The following CDH4 variants were observed in gnomAD, a reference collection of about 807,000 sequenced individuals.
CDH4 encodes cadherin-4.
A neutral mutation model predicts 86.0 loss-of-function variants in CDH4; 33 were observed. The ratio of observed to expected loss-of-function variants is 0.38; its 90% CI spans 0.29 to 0.51. The LOEUF (loss-of-function observed/expected upper bound fraction) is 0.51. Ranked by LOEUF, CDH4 falls within the 20% of genes least tolerant of loss-of-function variation. The probability of loss-of-function intolerance (pLI) is 0.86; values close to 1 mark genes in which losing one functional copy is unlikely to be tolerated. For synonymous variants in CDH4, 555 were observed against 549.4 expected (o/e 1.01, Z -0.14); for missense variants, 1,114 against 1,307.4 (o/e 0.85, Z 2.28).
chr20:61,459,698 C>G (rs2085431079), intron 2 of CDH4, among the ~76,000 whole-genome samples: 1 of 151,728 alleles, frequency 6.6e-6, no homozygotes, highest in African/African-American at 2.4e-5. Flanking sequence ...TGAAGAACAA[C>G]ACAGTGATTT....
intron 2 of CDH4, among the ~76,000 whole-genome samples, chr20:61,737,801 C>T (rs913049332): frequency 2.0e-5 from 3 of 152,184 alleles, no homozygotes; most frequent in African/African-American, 7.2e-5. Flanking sequence ...TCCCCCTCCC[C>T]GAGTCCCTGC....
At chr20:61,666,564 C>T (rs567297547) in intron 2 of CDH4, among the ~76,000 whole-genome samples, 16 of 152,344 alleles carry the variant, frequency 1.1e-4, no homozygotes, top group African/African-American at 3.6e-4. Flanking sequence ...ATTCAGAGTC[C>T]ACATGGAGGA....
intron 2 of CDH4, among the ~76,000 whole-genome samples, chr20:61,541,197 T>C (rs1044766336): frequency 3.9e-5 from 6 of 152,170 alleles, no homozygotes; most frequent in Admixed American, 1.3e-4. Context: ...TTAATAAAAA[T>C]GTTGAATCCC....
chr20:61,875,434 T>A (rs182810200), intron 7 of CDH4, among the ~76,000 whole-genome samples: 205 of 152,218 alleles, frequency 1.3e-3, no homozygotes, highest in African/African-American at 4.7e-3. Context: ...GCAGAGGACG[T>A]TGTCAGCCCC....
At chr20:61,832,212 C>A (rs1280904797) in intron 4 of CDH4, among the ~76,000 whole-genome samples, 2 of 152,350 alleles carry the variant, frequency 1.3e-5, no homozygotes, top group Middle Eastern at 3.4e-3. Context: ...TGGGTCAGAG[C>A]AGGGGCACTG....
intron 7 of CDH4, among the ~76,000 whole-genome samples, chr20:61,878,061 C>A (rs1386421482): frequency 6.6e-6 from 1 of 152,106 alleles, no homozygotes; most frequent in Non-Finnish European, 1.5e-5. Flanking sequence ...GGACAACAGG[C>A]CCTGGCCTGC....
chr20:61,638,859 A>G (rs540811261), intron 2 of CDH4, among the ~76,000 whole-genome samples: 27 of 152,298 alleles, frequency 1.8e-4, no homozygotes, highest in African/African-American at 6.3e-4. Context: ...ATTCCCCAAG[A>G]TCTCAGTGAG....
intron 2 of CDH4, among the ~76,000 whole-genome samples, chr20:61,574,258 C>A (rs940504217): frequency 2.0e-5 from 3 of 152,264 alleles, no homozygotes; most frequent in African/African-American, 7.2e-5. Flanking sequence ...AATATTCTTA[C>A]TGGGGCCTGC....
chr20:61,797,196 G>C (rs972404862), intron 4 of CDH4, among the ~76,000 whole-genome samples: 1 of 152,146 alleles, frequency 6.6e-6, no homozygotes, highest in Admixed American at 6.5e-5. Flanking sequence ...ACCATCCACT[G>C]CCCAAGGTGG....
chr20:61,466,317 C>T (rs1016039307), intron 2 of CDH4, among the ~76,000 whole-genome samples: 6 of 152,172 alleles, frequency 3.9e-5, no homozygotes, highest in East Asian at 3.9e-4. Flanking sequence ...CCAAGATAGG[C>T]GGCTTTGCTG....
At position 61,743,544 on chromosome 20, in the gene CDH4, T is replaced by G. The variant is rs781347073; in HGVS notation, c.170-19T>G. 9.7e-6 allele frequency: 15 copies of G among 1,548,702 alleles called. No individual in the cohort carries two copies. In the East Asian group the frequency reaches 3.6e-4, roughly 38 times the overall value. ...CTGCTGGCCAAGCCGACCCTGACTC[T>G]CTCCCCCTCCTCTTGCAGTCAAGTT... On this transcript the variant is annotated intron_variant, in intron 2 of 15. Transcript: ENST00000614565.
intron 2 of CDH4, among the ~76,000 whole-genome samples, chr20:61,605,505 C>T (rs1271254404): frequency 1.4e-5 from 2 of 144,364 alleles, no homozygotes; most frequent in East Asian, 5.4e-4. Context: ...CCCCATGTCT[C>T]TCCCTTTCTG....
rs994002985 is a variant in CDH4 at position 61,443,557 on chromosome 20, G to A, written c.169+188620G>A. ...CTTCTCCTGATCACACAGCTGTCAC[G>A]CCAGCAGTACCTGGAGTCGGAACAC... On this transcript the variant is annotated intron_variant, in intron 2 of 15. Coordinates refer to ENST00000614565, the MANE Select transcript of CDH4 (RefSeq NM_001794.5). Among the ~76,000 whole-genome samples, 11 of 152,150 alleles carry A rather than the reference G, an allele frequency of 7.2e-5. 1 individual carries two copies. The South Asian group carries it at 2.1e-3, about 29-fold the overall frequency.
chr20:61,300,198 C>A lies in CDH4; in HGVS notation c.169+45261C>A, dbSNP rs2084378564. 5.3e-5 allele frequency among the ~76,000 whole-genome samples: 8 copies of A among 152,230 alleles called. No individual in the cohort carries two copies. The South Asian group carries it at 1.7e-3, about 32-fold the overall frequency. On this transcript the variant is annotated intron_variant, in intron 2 of 15. Transcript: ENST00000614565. ...GATCCCAGGGGAGAGGCAGGTGTGC[C>A]ACAGCCAGGCAGTGGGGTCAGGTGC...
intron 2 of CDH4, among the ~76,000 whole-genome samples, chr20:61,742,586 G>C (rs1427167026): frequency 6.6e-6 from 1 of 151,936 alleles, no homozygotes; most frequent in Non-Finnish European, 1.5e-5. Context: ...TAATTGCTTA[G>C]ATACCCACAT....
chr20:61,521,367 T>A (rs751762288), intron 2 of CDH4, among the ~76,000 whole-genome samples: 1 of 152,112 alleles, frequency 6.6e-6, no homozygotes, highest in Non-Finnish European at 1.5e-5. Flanking sequence ...GGGAGTATAT[T>A]TTAAGAGGAG....
At chr20:61,496,120 C>T (rs1322338912) in intron 2 of CDH4, among the ~76,000 whole-genome samples, 1 of 151,994 alleles carries the variant, frequency 6.6e-6, no homozygotes, top group African/African-American at 2.4e-5. Context: ...TTATAATTGG[C>T]CAGCCACAGT....
intron 2 of CDH4, among the ~76,000 whole-genome samples, chr20:61,520,600 A>G (rs2085861448): frequency 6.6e-6 from 1 of 152,194 alleles, no homozygotes; most frequent in Admixed American, 6.5e-5. Context: ...CTGCCTATGG[A>G]TCAGGCACCA....
chr20:61,256,327 T>G (rs1202605953), intron 2 of CDH4, among the ~76,000 whole-genome samples: 1 of 152,236 alleles, frequency 6.6e-6, no homozygotes, highest in Non-Finnish European at 1.5e-5. Flanking sequence ...CCAAATATGA[T>G]AAGACCTTGG....
Sources: gnomAD v4.1 joint callset for allele counts (sites outside exome capture counted in the v4.1 genomes callset) on GRCh38, gnomAD v4.1.1 for gene constraint, MANE v1.5 for transcripts, NCBI Gene and HGNC (gene_info 2026-07-23, HGNC 2026-07-21) for gene names.